The following RNF111 variants were observed in gnomAD, a reference collection of about 807,000 sequenced individuals.
RNF111 encodes ring finger protein 111, also known as E3 ubiquitin-protein ligase Arkadia.
In RNF111, 17 loss-of-function variants were observed where a neutral mutation model predicts 95.1. That is an observed-to-expected ratio of 0.18 (90% confidence interval 0.12 to 0.27). The LOEUF is 0.27. Ranked by LOEUF, RNF111 falls within the 10% of genes least tolerant of loss-of-function variation. RNF111 has a pLI of 1.00. For missense variants in RNF111, 1,189 were observed against 1,210.4 expected (o/e 0.98, Z 0.26); for synonymous variants, 440 against 414.8 (o/e 1.06, Z -0.74).
chr15:59,015,548 T>A (rs1209730993), intron 1 of RNF111, among the ~76,000 whole-genome samples: 1 of 151,958 alleles, frequency 6.6e-6, no homozygotes, highest in Non-Finnish European at 1.5e-5. Context: ...TCAGGTAAAG[T>A]CTTCCTAAAA....
At chr15:59,004,117 C>T (rs558838513) in intron 1 of RNF111, 3 of 1,174,016 alleles carry the variant, frequency 2.6e-6, no homozygotes, top group Admixed American at 3.4e-5. Context: ...TATTTTATTC[C>T]AGTGTGAATG....
At chr15:59,078,866 GAAAA>G (rs58594305) in intron 7 of RNF111, among the ~76,000 whole-genome samples, 4 of 103,890 alleles carry the variant, frequency 3.9e-5, no homozygotes, top group Admixed American at 9.2e-5. Flanking sequence ...CTCAAAAGAA[GAAAA>G]AAAAAAAAAA....
chr15:59,070,766 C>A (rs761586086), intron 6 of RNF111, among the ~76,000 whole-genome samples: 6 of 152,148 alleles, frequency 3.9e-5, no homozygotes, highest in African/African-American at 1.2e-4. Flanking sequence ...ATTATTCCCC[C>A]TAAACCTAGA....
intron 4 of RNF111, among the ~76,000 whole-genome samples, chr15:59,057,753 G>A (rs1275344802): frequency 6.6e-6 from 1 of 152,202 alleles, no homozygotes; most frequent in African/African-American, 2.4e-5. Context: ...GGAAATCATA[G>A]CTAATGCTAA....
intron 1 of RNF111, among the ~76,000 whole-genome samples, chr15:59,016,884 A>G (rs1220447042): frequency 2.0e-5 from 3 of 152,026 alleles, no homozygotes; most frequent in Non-Finnish European, 4.4e-5. Context: ...CAGCAGCGGC[A>G]TTCTTGTAGG....
chr15:59,006,547 G>A (rs141594132), intron 1 of RNF111, among the ~76,000 whole-genome samples: 213 of 152,192 alleles, frequency 1.4e-3, no homozygotes, highest in African/African-American at 4.5e-3. Context: ...TGAAAGAATT[G>A]TACAGTGAAC....
intron 1 of RNF111, among the ~76,000 whole-genome samples, chr15:58,992,916 C>A (rs766201608): frequency 1.4e-4 from 22 of 152,174 alleles, no homozygotes; most frequent in Non-Finnish European, 2.9e-4. Flanking sequence ...CTGTAGTAAT[C>A]CTAGCACTTT....
chr15:59,060,249 C>T (rs547888950), intron 5 of RNF111, among the ~76,000 whole-genome samples: 1 of 152,010 alleles, frequency 6.6e-6, no homozygotes, highest in African/African-American at 2.4e-5. Flanking sequence ...TGAGTACATA[C>T]TCTTTTCTTA....
chr15:59,073,801 C>G (rs567951174), intron 6 of RNF111, among the ~76,000 whole-genome samples: 8 of 152,168 alleles, frequency 5.3e-5, no homozygotes, highest in African/African-American at 1.9e-4. Context: ...TTACTTTTGC[C>G]CAGATTGATC....
rs1290314825 is a variant in RNF111 at position 59,096,148 on chromosome 15, TAA to T, written c.*1250_*1251del. 5.0e-6 allele frequency: 2 copies of T among 398,260 alleles called. No homozygotes were observed. Among genetic ancestry groups the T allele is most frequent in the African/African-American group, 4.1e-5 (2 of 48,612 alleles). The allele number at this position is 398,260 out of a possible 1,614,324, so 24.7% of individuals were successfully genotyped here. On this transcript the variant is annotated 3_prime_UTR_variant, in exon 14 of 14. Coordinates refer to ENST00000348370, the MANE Select transcript of RNF111 (RefSeq NM_017610.8). ...AAGATTTACTGCATAATATAGAATATAAAGTTAAGTTAACATACTAACATTTC... is the reference window on the plus strand; with the variant it reads ...AAGATTTACTGCATAATATAGAATATAGTTAAGTTAACATACTAACATTTC...
intron 12 of RNF111, among the ~76,000 whole-genome samples, chr15:59,092,193 C>T (rs1325368984): frequency 6.6e-6 from 1 of 152,038 alleles, no homozygotes; most frequent in Non-Finnish European, 1.5e-5. Context: ...TTACTTGAAA[C>T]ATTCACTAAT....
At chr15:59,092,478 C>G in intron 12 of RNF111, 59 bp from the exon 13 acceptor site, 4 of 1,537,332 alleles carry the variant, frequency 2.6e-6, no homozygotes, top group Non-Finnish European at 3.5e-6. Context: ...ACAGACTTTA[C>G]TCAGTTGTTC....
intron 2 of RNF111, among the ~76,000 whole-genome samples, chr15:59,041,959 A>ATTTTTTTTTTTT (rs775444330): frequency 1.8e-5 from 2 of 108,454 alleles, no homozygotes; most frequent in Non-Finnish European, 3.7e-5. Context: ...CAGTCTGTTC[A>ATTTTTTTTTTTT]TATTTTTTTT....
At chr15:59,077,539 T>A (rs1422321156) in intron 7 of RNF111, among the ~76,000 whole-genome samples, 1 of 152,202 alleles carries the variant, frequency 6.6e-6, no homozygotes, top group Non-Finnish European at 1.5e-5. Flanking sequence ...ATATTCTACT[T>A]CTTGTTTTTT....
chr15:59,058,245 T>A, intron 4 of RNF111, 111 bp from the exon 5 acceptor site: 1 of 846,952 alleles, frequency 1.2e-6, no homozygotes, highest in East Asian at 2.7e-5. Flanking sequence ...AGAGAGCTTG[T>A]ATTTTTAAAG....
rs773619902 is a variant in RNF111 at position 59,081,268 on chromosome 15, A to T, written c.2281A>T (p.Met761Leu). Residue 761 changes from methionine to leucine, a missense_variant, in exon 8 of 14, where the codon ATG becomes TTG. Coordinates refer to ENST00000348370, the MANE Select transcript of RNF111 (RefSeq NM_017610.8). ...MQRMEVQRRRMMQHPTRAHER... is the reference protein window; with the variant it reads ...MQRMEVQRRRLMQHPTRAHER... Reference sequence around the variant, plus strand: ...GAGGATGGAAGTTCAAAGGAGGAGGATGATGCAGCATCCAACGTATGTTTT... The same window carrying T: ...GAGGATGGAAGTTCAAAGGAGGAGGTTGATGCAGCATCCAACGTATGTTTT... 1.9e-6 allele frequency: 3 copies of T among 1,613,668 alleles called. No individual in the cohort carries two copies. In the South Asian group the frequency reaches 3.3e-5, roughly 18 times the overall value.
intron 12 of RNF111, among the ~76,000 whole-genome samples, chr15:59,091,828 G>T (rs953871425): frequency 6.6e-6 from 1 of 152,104 alleles, no homozygotes; most frequent in African/African-American, 2.4e-5. Flanking sequence ...AGATTATCAG[G>T]CATTAGTTAG....
rs547270349 is a variant in RNF111, at chr15:59,000,687, T to C, written c.-20+12619T>C. On this transcript the variant is annotated intron_variant, in intron 1 of 13. Coordinates refer to ENST00000348370, the MANE Select transcript of RNF111 (RefSeq NM_017610.8). The stretch of plus-strand genomic sequence containing the variant: ...TGGCACCACTCCGCTCCATCCTGGG[T>C]GACAGAGCTGAACTCCGTCTCAAAA... Among the ~76,000 whole-genome samples, 20 of 148,146 alleles carry C rather than the reference T, an allele frequency of 1.4e-4. No homozygotes were observed. The East Asian group carries it at 3.4e-3, about 25-fold the overall frequency.
chr15:58,995,823 T>C (rs1227268536), intron 1 of RNF111, among the ~76,000 whole-genome samples: 1 of 149,928 alleles, frequency 6.7e-6, no homozygotes, highest in East Asian at 2.0e-4. Context: ...AGCAAGATGT[T>C]GCAAGCACAT....
Sources: allele counts gnomAD v4.1 joint callset (sites outside exome capture counted in the v4.1 genomes callset), GRCh38; gene constraint gnomAD v4.1.1; transcripts MANE v1.5; gene names NCBI Gene and HGNC (gene_info 2026-07-23, HGNC 2026-07-21).